The following IL36B variants were observed in gnomAD, a reference collection of about 807,000 sequenced individuals.
The protein encoded by IL36B is interleukin-36 beta.
IL36B carries 23 observed loss-of-function variants against 19.3 expected under a neutral mutation model. The ratio of observed to expected loss-of-function variants is 1.19; its 90% CI spans 0.86 to 1.69. The LOEUF (loss-of-function observed/expected upper bound fraction) is 1.69. IL36B is among the 40% of genes most tolerant of loss of function. The probability of loss-of-function intolerance (pLI) is 0.00; values close to 1 mark genes in which losing one functional copy is unlikely to be tolerated. For synonymous variants in IL36B, 59 were observed against 59.7 expected (o/e 0.99, Z 0.05); for missense variants, 217 against 200.5 (o/e 1.08, Z -0.50).
intron 4 of IL36B, chr2:113,028,032 A>C (rs1684996535): frequency 6.2e-7 from 1 of 1,614,224 alleles, no homozygotes; most frequent in African/African-American, 1.3e-5. Flanking sequence ...ACTGAAAGAC[A>C]GAAGTGGAGC....
rs1252304259 is a variant in IL36B, at chr2:113,033,847, C to T, written c.-57-2081G>A. Among the ~76,000 whole-genome samples the T allele has an allele frequency of 2.0e-5, 3 of 152,140 alleles. No homozygotes were observed. In the South Asian group the frequency reaches 6.2e-4, roughly 32 times the overall value. On this transcript the variant is annotated intron_variant, in intron 1 of 5. Coordinates refer to ENST00000259213, the MANE Select transcript of IL36B (RefSeq NM_014438.5). ...TTCTAACTCTGAATTAGGAGTCAGA[C>T]GCGGCTTCAATGTTGGCTATGAAAG...
chr2:113,046,953 T>C (rs774972099), intron 1 of IL36B, among the ~76,000 whole-genome samples: 3 of 152,240 alleles, frequency 2.0e-5, no homozygotes, highest in Non-Finnish European at 4.4e-5. Context: ...TTCTTGAGAG[T>C]TGGATAGCTA....
intron 3 of IL36B, 93 bp from the exon 4 acceptor site, chr2:113,029,171 TC>T: frequency 7.6e-7 from 1 of 1,316,610 alleles, no homozygotes; most frequent in Non-Finnish European, 1.0e-6. Context: ...GACAGGCTCC[TC>T]CCATTAGCCA....
intron 1 of IL36B, among the ~76,000 whole-genome samples, chr2:113,036,932 C>T (rs1010201248): frequency 6.6e-6 from 1 of 152,206 alleles, no homozygotes; most frequent in Admixed American, 6.5e-5. Context: ...AGGGAATTTG[C>T]GCTGCTCCGA....
chr2:113,041,019 G>A (rs1246361669), intron 1 of IL36B, among the ~76,000 whole-genome samples: 8 of 152,162 alleles, frequency 5.3e-5, no homozygotes, highest in African/African-American at 1.9e-4. Context: ...GTGGGGCATG[G>A]TGGCTTGCGC....
intron 3 of IL36B, among the ~76,000 whole-genome samples, chr2:113,030,154 C>T (rs1685045903): frequency 6.6e-6 from 1 of 151,848 alleles, no homozygotes; most frequent in Admixed American, 6.6e-5. Context: ...TTGCTTGAAA[C>T]CTGGGAGGTG....
chr2:113,036,659 A>G (rs1685172176), intron 1 of IL36B, among the ~76,000 whole-genome samples: 1 of 152,202 alleles, frequency 6.6e-6, no homozygotes, highest in African/African-American at 2.4e-5. Context: ...AAAATAGCTT[A>G]ATTCCTGGAT....
intron 1 of IL36B, among the ~76,000 whole-genome samples, chr2:113,048,975 C>G (rs755758265): frequency 6.6e-6 from 1 of 152,130 alleles, no homozygotes; most frequent in East Asian, 1.9e-4. Context: ...TTAAAATATG[C>G]TAGCTATTGT....
chr2:113,032,864 T>C (rs1398342511), intron 1 of IL36B, among the ~76,000 whole-genome samples: 1 of 152,142 alleles, frequency 6.6e-6, no homozygotes, highest in Non-Finnish European at 1.5e-5. Context: ...GGACTGACAG[T>C]GGAGCAACAC....
intron 1 of IL36B, among the ~76,000 whole-genome samples, chr2:113,043,988 A>C (rs1011875306): frequency 6.6e-6 from 1 of 152,162 alleles, no homozygotes; most frequent in Non-Finnish European, 1.5e-5. Flanking sequence ...TCAGCATGTC[A>C]ATTTCTTTAA....
intron 1 of IL36B, among the ~76,000 whole-genome samples, chr2:113,035,601 G>A (rs1685152780): frequency 6.6e-6 from 1 of 152,052 alleles, no homozygotes; most frequent in South Asian, 2.1e-4. Flanking sequence ...AGTGAATATA[G>A]CAACATCGAA....
chr2:113,051,619 C>T (rs1685447675), intron 1 of IL36B, among the ~76,000 whole-genome samples: 1 of 152,240 alleles, frequency 6.6e-6, no homozygotes, highest in African/African-American at 2.4e-5. Flanking sequence ...TCCTGGCCCA[C>T]AGCCTCCCCA....
chr2:113,038,732 C>T (rs542403840), intron 1 of IL36B, among the ~76,000 whole-genome samples: 1 of 152,298 alleles, frequency 6.6e-6, no homozygotes, highest in South Asian at 2.1e-4. Context: ...AAGGTATAAT[C>T]CCAGAGAGCT....
At chr2:113,032,603 C>T (rs1273963756) in intron 1 of IL36B, among the ~76,000 whole-genome samples, 1 of 152,180 alleles carries the variant, frequency 6.6e-6, no homozygotes, top group Non-Finnish European at 1.5e-5. Flanking sequence ...CGAGGCTAAA[C>T]ACAGAGACAT....
At chr2:113,026,365 C>A in intron 4 of IL36B, 1 of 1,399,320 alleles carries the variant, frequency 7.1e-7, no homozygotes, top group Non-Finnish European at 9.5e-7. Flanking sequence ...AGGAGTATCC[C>A]AAAGAGAATG....
intron 3 of IL36B, among the ~76,000 whole-genome samples, chr2:113,030,593 G>A (rs890647658): frequency 1.3e-5 from 2 of 152,222 alleles, no homozygotes; most frequent in African/African-American, 2.4e-5. Context: ...TCTGGATACA[G>A]GGAAAGAAGC....
chr2:113,048,860 A>G (rs1415452146), intron 1 of IL36B, among the ~76,000 whole-genome samples: 1 of 152,270 alleles, frequency 6.6e-6, no homozygotes, highest in Non-Finnish European at 1.5e-5. Flanking sequence ...AAAATGGACC[A>G]ACATTTGGAA....
chr2:113,031,006 G>T, intron 3 of IL36B, 42 bp downstream of exon 3: 2 of 1,368,930 alleles, frequency 1.5e-6, no homozygotes, highest in Non-Finnish European at 2.1e-6. Context: ...GGTGAAGATG[G>T]CATCACCTCA....
chr2:113,051,087 G>A (rs1296049601), intron 1 of IL36B, among the ~76,000 whole-genome samples: 2 of 152,182 alleles, frequency 1.3e-5, no homozygotes, highest in Admixed American at 1.3e-4. Context: ...GTGGCCTCCC[G>A]ACCTAGCCTG....
Sources: allele counts gnomAD v4.1 joint callset (sites outside exome capture counted in the v4.1 genomes callset), GRCh38; gene constraint gnomAD v4.1.1; transcripts MANE v1.5; gene names NCBI Gene and HGNC (gene_info 2026-07-23, HGNC 2026-07-21).